The following PYGO1 variants were observed in gnomAD, a reference collection of about 807,000 sequenced individuals.
The protein encoded by PYGO1 is pygopus homolog 1.
A neutral mutation model predicts 29.5 loss-of-function variants in PYGO1; 6 were observed. The ratio of observed to expected loss-of-function variants is 0.20; its 90% CI spans 0.11 to 0.40. The LOEUF (loss-of-function observed/expected upper bound fraction) is 0.40. Among genes scored for constraint, PYGO1 ranks in the 10% least tolerant of loss-of-function variants. The pLI is 1.00. For synonymous variants in PYGO1, 186 were observed against 180.5 expected (o/e 1.03, Z -0.24); for missense variants, 515 against 514.9 (o/e 1.00, Z 0.00).
intron 1 of PYGO1, 41 bp downstream of exon 1, chr15:55,587,794 A>T: frequency 6.8e-7 from 1 of 1,468,860 alleles, no homozygotes; most frequent in Non-Finnish European, 9.0e-7. Context: ...CGCGCACCTC[A>T]CTCACCCCGG....
chr15:55,572,188 C>T (rs996940100), intron 1 of PYGO1, among the ~76,000 whole-genome samples: 7 of 152,104 alleles, frequency 4.6e-5, no homozygotes, highest in East Asian at 1.9e-4. Flanking sequence ...TACAGTAATA[C>T]GGGCATAAAA....
chr15:55,579,592 T>C (rs1189366628), intron 1 of PYGO1, among the ~76,000 whole-genome samples: 1 of 152,172 alleles, frequency 6.6e-6, no homozygotes, highest in African/African-American at 2.4e-5. Flanking sequence ...CACAACTCAC[T>C]GCAACCTTGA....
Position 55,546,779 on chromosome 15 carries a change from A to G in PYGO1, c.504T>C (p.Asn168=), listed in dbSNP as rs757267282. 1.2e-6 allele frequency: 2 copies of G among 1,614,166 alleles called. No individual in the cohort carries two copies. Among genetic ancestry groups the G allele is most frequent in the South Asian group, 1.1e-5 (1 of 91,084 alleles). ...NPSYNNALSQ[N]VNMPNQHFRQ... is the part of the protein sequence containing the mutation. Reference sequence around the variant, plus strand: ...TAAAATGTTGATTAGGCATGTTGACATTCTGACTTAGTGCATTATTATAAG... The same window carrying G: ...TAAAATGTTGATTAGGCATGTTGACGTTCTGACTTAGTGCATTATTATAAG... Residue 168 remains asparagine (N), a synonymous_variant, in exon 3 of 3, where the codon AAT becomes AAC. Coordinates refer to ENST00000563719, the MANE Select transcript of PYGO1 (RefSeq NM_001367806.1).
At position 55,566,135 on chromosome 15, in the gene PYGO1, T is replaced by A. The variant is rs533075529; in HGVS notation, c.50-17140A>T. Among the ~76,000 whole-genome samples the A allele has an allele frequency of 1.5e-4, 23 of 152,278 alleles. No homozygotes were observed. In the South Asian group the frequency reaches 2.9e-3, roughly 19 times the overall value. On this transcript the variant is annotated intron_variant, in intron 1 of 2. Transcript: ENST00000563719. ...GGAGTACATGGGCAGGTATGTTACC[T>A]GGGTATATTGTATGATGCTGAGGTT...
At chr15:55,581,020 C>T (rs952685343) in intron 1 of PYGO1, among the ~76,000 whole-genome samples, 2 of 152,148 alleles carry the variant, frequency 1.3e-5, no homozygotes, top group African/African-American at 2.4e-5. Context: ...AGTAATAATT[C>T]CTCCCTGTAA....
intron 1 of PYGO1, among the ~76,000 whole-genome samples, chr15:55,570,313 C>G (rs1368824005): frequency 2.0e-5 from 3 of 152,084 alleles, no homozygotes; most frequent in Non-Finnish European, 4.4e-5. Flanking sequence ...ATGCCAAAAG[C>G]CTCTAATCTG....
At chr15:55,585,923 AG>A (rs2059044459) in intron 1 of PYGO1, among the ~76,000 whole-genome samples, 1 of 152,230 alleles carries the variant, frequency 6.6e-6, no homozygotes. Context: ...AACCACAAAC[AG>A]AAAAAGACAA....
At chr15:55,554,411 G>A (rs2058893840) in intron 1 of PYGO1, among the ~76,000 whole-genome samples, 1 of 147,494 alleles carries the variant, frequency 6.8e-6, no homozygotes, top group African/African-American at 2.5e-5. Context: ...GGAGCTTGCA[G>A]TGAGCTGATA....
rs1311785837 is a variant in PYGO1, at chr15:55,540,548, A to G, written c.*5475T>C. On this transcript the variant is annotated 3_prime_UTR_variant, in exon 3 of 3. Transcript: ENST00000563719. ...TAAAATTTACTCCTCTCCCATTTGA[A>G]AGACATCAGGCCATCTATTAATCCA... 6.6e-6 allele frequency: 1 copy of G among 152,152 alleles called. No individual in the cohort carries two copies. The highest frequency in any genetic ancestry group is 1.5e-5 in the Non-Finnish European group (1 of 67,978). The allele number at this position is 152,152 out of a possible 1,614,324, so 9.4% of individuals were successfully genotyped here. A position where few individuals can be genotyped will look rare whatever the true frequency, so the allele number is the denominator to read the frequency against.
intron 1 of PYGO1, among the ~76,000 whole-genome samples, chr15:55,555,647 C>T (rs12916742): frequency 0.012 from 1,813 of 151,932 alleles, 21 homozygotes; most frequent in Non-Finnish European, 0.017. Context: ...ACGTTGTGCA[C>T]ATGTACCCTA....
rs1237500274 is a variant in PYGO1 at position 55,546,615 on chromosome 15, A to C, written c.668T>G (p.Ile223Ser). The C allele has an allele frequency of 1.2e-6, 2 of 1,613,906 alleles. No homozygotes were observed. Among genetic ancestry groups the C allele is most frequent in the Admixed American group, 3.3e-5 (2 of 59,970 alleles). Residue 223 changes from isoleucine (I) to serine (S), a missense_variant, in exon 3 of 3, where the codon ATT becomes AGT. Transcript: ENST00000563719. ...TSPLESNHSF[I>S]PPPNTFGQAK... ...TTGACCAAAAGTGTTTGGGGGAGGA[A>C]TAAAAGAATGATTAGATTCTAACGG...
At position 55,561,934 on chromosome 15, in the gene PYGO1, A is replaced by G. The variant is rs1161385309; in HGVS notation, c.50-12939T>C. On this transcript the variant is annotated intron_variant, in intron 1 of 2. Transcript: ENST00000563719. ...AACAGACAACCTACAGAATAAGAGA[A>G]AATGTTTGCCTTCTGACAAAGGTCT... Among the ~76,000 whole-genome samples the G allele has an allele frequency of 2.6e-5, 4 of 152,306 alleles. No individual in the cohort carries two copies. The East Asian group carries it at 7.7e-4, about 29-fold the overall frequency.
intron 1 of PYGO1, among the ~76,000 whole-genome samples, chr15:55,560,310 G>A (rs2058927630): frequency 6.6e-6 from 1 of 152,090 alleles, no homozygotes; most frequent in Admixed American, 6.5e-5. Context: ...AGCTTCTTAA[G>A]CTGATAAGCA....
intron 1 of PYGO1, 99 bp downstream of exon 1, chr15:55,587,736 A>T: frequency 1.6e-6 from 2 of 1,289,790 alleles, no homozygotes; most frequent in Non-Finnish European, 2.0e-6. Context: ...GCGCGGACTT[A>T]GGCCCGGACA....
intron 1 of PYGO1, among the ~76,000 whole-genome samples, chr15:55,583,969 CTCCT>C (rs1487632272): frequency 1.3e-5 from 2 of 152,186 alleles, no homozygotes; most frequent in Admixed American, 6.5e-5. Context: ...TAGAATTCTT[CTCCT>C]TCCTTGATTC....
intron 1 of PYGO1, among the ~76,000 whole-genome samples, chr15:55,573,457 C>G (rs567815605): frequency 1.3e-5 from 2 of 152,264 alleles, no homozygotes; most frequent in East Asian, 3.9e-4. Context: ...AAAAATAGAA[C>G]TACTTTATGA....
intron 1 of PYGO1, among the ~76,000 whole-genome samples, chr15:55,576,597 C>T (rs1006355176): frequency 1.3e-5 from 2 of 149,954 alleles, no homozygotes; most frequent in African/African-American, 2.5e-5. Flanking sequence ...ATGGTGAAAC[C>T]CTGTCTCTAC....
intron 1 of PYGO1, among the ~76,000 whole-genome samples, chr15:55,552,361 C>CAAAAAAAAAAAAAA (rs56789656): frequency 5.7e-5 from 3 of 53,016 alleles, no homozygotes; most frequent in Non-Finnish European, 8.7e-5. Flanking sequence ...ACTCTGTCTC[C>CAAAAAAAAAAAAAA]AAAAAAAAAA....
chr15:55,541,942 T>C lies in PYGO1; in HGVS notation c.*4081A>G, dbSNP rs1331737827. On this transcript the variant is annotated 3_prime_UTR_variant, in exon 3 of 3. Coordinates refer to ENST00000563719, the MANE Select transcript of PYGO1 (RefSeq NM_001367806.1). ...AAATGAGCCTTTAGGAGCTTCCCTA[T>C]TGTGTAGAGTTCCAAGCCACTATTT... 1 of 152,210 alleles carries C rather than the reference T, an allele frequency of 6.6e-6. No individual in the cohort carries two copies. Among genetic ancestry groups the C allele is most frequent in the Non-Finnish European group, 1.5e-5 (1 of 68,034 alleles). 9.4% of individuals were successfully genotyped at this position (152,210 alleles called of 1,614,324 possible).
Sources: gnomAD v4.1 joint callset for allele counts (sites outside exome capture counted in the v4.1 genomes callset) on GRCh38, gnomAD v4.1.1 for gene constraint, MANE v1.5 for transcripts, NCBI Gene and HGNC (gene_info 2026-07-23, HGNC 2026-07-21) for gene names.